Variants in DNAH12 observed in about 807,000 individuals in gnomAD.
DNAH12 encodes axonemal beta dynein heavy chain 12.
A neutral mutation model predicts 371.5 loss-of-function variants in DNAH12; 285 were observed. The observed-to-expected ratio is 0.77, with a 90% CI of 0.70 to 0.85. DNAH12 has a LOEUF of 0.85. Ranked by LOEUF, DNAH12 falls within the 40% of genes least tolerant of loss-of-function variation. DNAH12 has a pLI of 0.00. For synonymous variants in DNAH12, 1,200 were observed against 1,213.0 expected (o/e 0.99, Z 0.22); for missense variants, 3,611 against 3,689.4 (o/e 0.98, Z 0.55).
intron 60 of DNAH12, among the ~76,000 whole-genome samples, chr3:57,338,140 G>C (rs1370186002): frequency 6.6e-6 from 1 of 152,186 alleles, no homozygotes; most frequent in African/African-American, 2.4e-5. Flanking sequence ...GGCCTGCCGA[G>C]TGCCTGGGAT....
intron 23 of DNAH12, among the ~76,000 whole-genome samples, chr3:57,453,655 C>A (rs920048869): frequency 3.0e-4 from 45 of 151,442 alleles, no homozygotes; most frequent in African/African-American, 1.1e-3. Context: ...CTCACTACAA[C>A]CTCCGCCTCC....
At chr3:57,439,189 G>A (rs1334716197) in intron 29 of DNAH12, among the ~76,000 whole-genome samples, 1 of 152,046 alleles carries the variant, frequency 6.6e-6, no homozygotes, top group African/African-American at 2.4e-5. Context: ...ACTTTTCACA[G>A]AACTAGAAAA....
At chr3:57,410,219 G>A (rs1553682576) in intron 39 of DNAH12, among the ~76,000 whole-genome samples, 2 of 151,960 alleles carry the variant, frequency 1.3e-5, no homozygotes, top group African/African-American at 4.8e-5. Context: ...TGTTGAGCAG[G>A]TCTATAGGCA....
chr3:57,317,909 C>T (rs1282897058), intron 65 of DNAH12, among the ~76,000 whole-genome samples: 1 of 152,048 alleles, frequency 6.6e-6, no homozygotes, highest in African/African-American at 2.4e-5. Context: ...CATTTCCCTG[C>T]TGACTACTGA....
At chr3:57,406,383 A>G (rs1462176216) in intron 40 of DNAH12, among the ~76,000 whole-genome samples, 1 of 151,432 alleles carries the variant, frequency 6.6e-6, no homozygotes, top group Non-Finnish European at 1.5e-5. Flanking sequence ...AAAAAAAAAG[A>G]TTATACTGGC....
intron 60 of DNAH12, among the ~76,000 whole-genome samples, chr3:57,340,853 A>T (rs1553655834): frequency 6.6e-6 from 1 of 152,178 alleles, no homozygotes; most frequent in African/African-American, 2.4e-5. Flanking sequence ...AACACAACAT[A>T]AAAAAACTAG....
At chr3:57,430,494 C>G (rs1015084919) in intron 32 of DNAH12, among the ~76,000 whole-genome samples, 5 of 152,082 alleles carry the variant, frequency 3.3e-5, no homozygotes, top group Non-Finnish European at 7.4e-5. Flanking sequence ...TTTTTTATGT[C>G]TCCTTGGTCT....
chr3:57,382,927 C>G (rs1032735091), intron 49 of DNAH12, among the ~76,000 whole-genome samples: 1 of 152,146 alleles, frequency 6.6e-6, no homozygotes, highest in African/African-American at 2.4e-5. Flanking sequence ...AAGCTAACAA[C>G]TATATATCTT....
intron 14 of DNAH12, among the ~76,000 whole-genome samples, chr3:57,472,253 A>G (rs529203389): frequency 1.1e-3 from 173 of 152,290 alleles, no homozygotes; most frequent in African/African-American, 3.9e-3. Context: ...GATTTTTATG[A>G]GAGTTAAATA....
At chr3:57,545,772 C>G (rs993851936), upstream of DNAH12, among the ~76,000 whole-genome samples, 1 of 152,104 alleles carries the variant, frequency 6.6e-6, no homozygotes, top group Non-Finnish European at 1.5e-5. Flanking sequence ...GACATGCCCA[C>G]GGCTCCACAG....
At chr3:57,497,242 T>C (rs181741036) in intron 11 of DNAH12, among the ~76,000 whole-genome samples, 184 of 152,316 alleles carry the variant, frequency 1.2e-3, no homozygotes, top group African/African-American at 4.3e-3. Flanking sequence ...GATAGGTTGA[T>C]TTTAAAATGT....
chr3:57,483,231 A>G (rs529037168), intron 13 of DNAH12, 145 bp downstream of exon 13: 9 of 900,420 alleles, frequency 1.0e-5, no homozygotes, highest in South Asian at 1.8e-5. Flanking sequence ...GGTGCTGACA[A>G]TATCCTATTT....
Position 57,445,191 on chromosome 3 carries a change from C to T in DNAH12, c.4408G>A (p.Glu1470Lys). 6.5e-7 allele frequency: 1 copy of T among 1,543,852 alleles called. No individual in the cohort carries two copies. The highest frequency in any genetic ancestry group is 1.2e-5 in the South Asian group (1 of 82,784). The part of the protein sequence containing the change: ...AGNLKLKYPN[E>K]NEDILLLRSI... ...ATACTTACAAGTATATCTTCATTTT[C>T]ATTTGGGTATTTTAGTTTTAGATTG... Residue 1470 changes from glutamate (E) to lysine (K), a missense_variant, in exon 28 of 74, where the codon GAA (glutamate) becomes AAA (lysine). This residue lies in a region of DNAH12 where 2,266 missense variants were observed against 2,236.9 expected (regional missense o/e 1.01). Transcript: ENST00000495027.
At chr3:57,305,058 A>G (rs1559537772) in intron 69 of DNAH12, among the ~76,000 whole-genome samples, 3 of 152,120 alleles carry the variant, frequency 2.0e-5, no homozygotes, top group Non-Finnish European at 2.9e-5. Context: ...CTTGACCCCA[A>G]TACAAACTCG....
chr3:57,465,259 T>TAG (rs2066167414), intron 17 of DNAH12, among the ~76,000 whole-genome samples: 1 of 152,052 alleles, frequency 6.6e-6, no homozygotes, highest in African/African-American at 2.4e-5. Flanking sequence ...AAAATATATA[T>TAG]ATAGAGAGAG....
At chr3:57,551,022 G>T in the DNAH12 span, among the ~76,000 whole-genome samples, 2 of 150,088 alleles carry the variant, frequency 1.3e-5, no homozygotes, top group Non-Finnish European at 3.0e-5. Flanking sequence ...GGGACTACAT[G>T]CCCAGCTAAT....
intron 13 of DNAH12, among the ~76,000 whole-genome samples, chr3:57,481,818 G>A (rs1422487875): frequency 6.6e-6 from 1 of 151,338 alleles, no homozygotes; most frequent in Non-Finnish European, 1.5e-5. Context: ...CAAGCAATGG[G>A]GAAAGGATTC....
Position 57,489,510 on chromosome 3 carries a change from A to T in DNAH12, c.1513T>A (p.Cys505Ser), listed in dbSNP as rs767664866. Residue 505 changes from cysteine to serine, a missense_variant and splice_region_variant, in exon 12 of 74, where the codon TGT becomes AGT. Around this residue, in one of 3 missense-constraint regions of DNAH12, gnomAD observed 1,314 missense variants for 1,398.7 expected, o/e 0.94. Transcript: ENST00000495027. ...IASKYRKENE[C>S]ICSEFEAIKE... ...AGCTTGGGAATTAATTCTACTTACC[A>T]TTCATTTTCTTTTCTATATTTTGAA... 8.6e-6 allele frequency: 13 copies of T among 1,507,584 alleles called. No individual in the cohort carries two copies. Among genetic ancestry groups the T allele is most frequent in the Non-Finnish European group, 1.1e-5 (13 of 1,133,356 alleles). The allele number at this position is 1,507,584 out of a possible 1,614,324, so 93.4% of individuals were successfully genotyped here. A position where few individuals can be genotyped will look rare whatever the true frequency, so the allele number is the denominator to read the frequency against.
At chr3:57,445,495 G>A (rs1325289905) in intron 27 of DNAH12, 76 bp from the exon 28 acceptor site, 2 of 1,215,946 alleles carry the variant, frequency 1.6e-6, no homozygotes, top group South Asian at 3.2e-5. Flanking sequence ...GTATTCAAAG[G>A]TGTGGTGTTG....
Sources: allele counts gnomAD v4.1 joint callset (sites outside exome capture counted in the v4.1 genomes callset), GRCh38; gene constraint gnomAD v4.1.1; regional missense constraint gnomAD v4.1.1; transcripts MANE v1.5; gene names NCBI Gene and HGNC (gene_info 2026-07-23, HGNC 2026-07-21).